The following MAPKAP1 variants were observed in gnomAD, a reference collection of about 807,000 sequenced individuals.
The protein encoded by MAPKAP1 is MAPK associated protein 1.
In MAPKAP1, 20 loss-of-function variants were observed where a neutral mutation model predicts 65.7. The ratio of observed to expected loss-of-function variants is 0.30; its 90% CI spans 0.21 to 0.44. The LOEUF (loss-of-function observed/expected upper bound fraction) is 0.44, where lower values mean the gene tolerates loss of function less well. Ranked by LOEUF, MAPKAP1 falls within the 20% of genes least tolerant of loss-of-function variation. MAPKAP1 has a pLI of 1.00. For synonymous variants in MAPKAP1, 222 were observed against 244.3 expected (o/e 0.91, Z 0.85); for missense variants, 423 against 648.0 (o/e 0.65, Z 3.77).
intron 8 of MAPKAP1, among the ~76,000 whole-genome samples, chr9:125,496,231 C>T (rs1333783614): frequency 1.3e-5 from 2 of 152,114 alleles, no homozygotes; most frequent in East Asian, 1.9e-4. Context: ...AGGTATGTGG[C>T]GAATAATGTT....
chr9:125,491,018 A>G (rs1854690869), intron 8 of MAPKAP1, among the ~76,000 whole-genome samples: 1 of 151,746 alleles, frequency 6.6e-6, no homozygotes, highest in Non-Finnish European at 1.5e-5. Context: ...CATGCCTGTA[A>G]TCTCAGCTAC....
At chr9:125,564,989 C>CA (rs929925556) in intron 5 of MAPKAP1, among the ~76,000 whole-genome samples, 1 of 152,000 alleles carries the variant, frequency 6.6e-6, no homozygotes, top group African/African-American at 2.4e-5. Context: ...TTCATGGGAC[C>CA]AGGAAGTCTC....
Position 125,579,830 on chromosome 9 carries a change from T to C in MAPKAP1, c.671+5725A>G, listed in dbSNP as rs540976818. ...TCCCAGGGATTCACTTTATAGACTG[T>C]ATTACACCAAACAAACCTGAGAAAT... is the stretch of plus-strand genomic sequence containing the variant. On this transcript the variant is annotated intron_variant, in intron 5 of 11. Coordinates refer to ENST00000265960, the MANE Select transcript of MAPKAP1 (RefSeq NM_001006617.3). Among the ~76,000 whole-genome samples the C allele has an allele frequency of 2.6e-5, 4 of 152,328 alleles. No individual in the cohort carries two copies. In the South Asian group the frequency reaches 6.2e-4, roughly 24 times the overall value.
intron 1 of MAPKAP1, among the ~76,000 whole-genome samples, chr9:125,696,900 A>C (rs1835403200): frequency 8.9e-6 from 1 of 112,960 alleles, no homozygotes; most frequent in Non-Finnish European, 1.8e-5. Flanking sequence ...ATACCAAAAA[A>C]TCACTTCCCA....
In MAPKAP1 at chr9:125,707,162, C is replaced by CGCCG. The variant is rs1835792110; in HGVS notation, c.-265_-262dup. Reference sequence around the variant, plus strand: ...CCCTCATGCCCCTGCTGCTCGCCGCCGCCGGCCGGCCGAGCAGCAGCCCTA... The same window carrying CGCCG: ...CCCTCATGCCCCTGCTGCTCGCCGCCGCCGGCCGGCCGGCCGAGCAGCAGCCCTA... On this transcript the variant is annotated 5_prime_UTR_variant, in exon 1 of 12. Coordinates refer to ENST00000265960, the MANE Select transcript of MAPKAP1 (RefSeq NM_001006617.3). 2.3e-5 allele frequency: 9 copies of CGCCG among 398,054 alleles called. No individual in the cohort carries two copies. Among genetic ancestry groups the CGCCG allele is most frequent in the Admixed American group, 4.4e-5 (1 of 22,710 alleles). The allele number at this position is 398,054 out of a possible 1,614,324, so 24.7% of individuals were successfully genotyped here. A position where few individuals can be genotyped will look rare whatever the true frequency, so the allele number is the denominator to read the frequency against.
intron 7 of MAPKAP1, among the ~76,000 whole-genome samples, chr9:125,541,515 C>T (rs1197216670): frequency 2.6e-5 from 4 of 152,060 alleles, no homozygotes; most frequent in Non-Finnish European, 5.9e-5. Context: ...AACCAGGATC[C>T]GAAAGGGTGA....
intron 6 of MAPKAP1, among the ~76,000 whole-genome samples, chr9:125,546,269 C>A (rs965129092): frequency 6.6e-6 from 1 of 152,204 alleles, no homozygotes; most frequent in African/African-American, 2.4e-5. Flanking sequence ...AGAGGTTCTG[C>A]CCTGAGTGCT....
At chr9:125,640,791 C>T (rs184363379) in intron 4 of MAPKAP1, among the ~76,000 whole-genome samples, 1 of 152,192 alleles carries the variant, frequency 6.6e-6, no homozygotes, top group Non-Finnish European at 1.5e-5. Flanking sequence ...GAGTTGAGTA[C>T]TCTTCTAGAA....
intron 9 of MAPKAP1, among the ~76,000 whole-genome samples, chr9:125,474,924 C>T (rs983854092): frequency 6.6e-6 from 1 of 152,168 alleles, no homozygotes; most frequent in African/African-American, 2.4e-5. Context: ...CCTGGAAAAG[C>T]CCCCAAGGGA....
At chr9:125,456,712 ACT>A (rs1441687788) in intron 10 of MAPKAP1, among the ~76,000 whole-genome samples, 1 of 152,112 alleles carries the variant, frequency 6.6e-6, no homozygotes, top group African/African-American at 2.4e-5. Context: ...AAGGAAGTAA[ACT>A]CTGCCAGCAA....
chr9:125,510,483 G>T (rs1829264375), intron 7 of MAPKAP1, among the ~76,000 whole-genome samples: 1 of 152,170 alleles, frequency 6.6e-6, no homozygotes, highest in Admixed American at 6.5e-5. Flanking sequence ...ACGAAGACAT[G>T]ACCAGACATG....
intron 9 of MAPKAP1, among the ~76,000 whole-genome samples, chr9:125,479,290 C>T (rs1312929083): frequency 6.6e-6 from 1 of 152,138 alleles, no homozygotes; most frequent in Non-Finnish European, 1.5e-5. Flanking sequence ...ATAGAAAAGT[C>T]TGGTGGAGGC....
intron 4 of MAPKAP1, among the ~76,000 whole-genome samples, chr9:125,618,122 G>A (rs574548681): frequency 5.3e-5 from 8 of 151,808 alleles, no homozygotes; most frequent in Non-Finnish European, 1.0e-4. Context: ...AGGGAGGATC[G>A]CCTGAGGTCA....
At chr9:125,551,069 G>A (rs368861344) in intron 6 of MAPKAP1, among the ~76,000 whole-genome samples, 9 of 152,132 alleles carry the variant, frequency 5.9e-5, no homozygotes, top group African/African-American at 2.2e-4. Flanking sequence ...ATGGGGTGTG[G>A]CCAATTTTAA....
At chr9:125,536,315 A>G (rs1273733527) in intron 7 of MAPKAP1, among the ~76,000 whole-genome samples, 3 of 152,242 alleles carry the variant, frequency 2.0e-5, no homozygotes, top group Non-Finnish European at 2.9e-5. Flanking sequence ...ATAAAGAGGC[A>G]GAGAAAGGAG....
Position 125,439,122 on chromosome 9 carries a change from C to T in MAPKAP1, c.1444-110G>A, listed in dbSNP as rs1263977651. On this transcript the variant is annotated intron_variant, in intron 11 of 11. Transcript: ENST00000265960. The surrounding 1 kb of genome is among the most constrained non-coding windows in gnomAD (Gnocchi z 4.0). Reference sequence around the variant, plus strand: ...CTGACCTGGGCCGGGTGCCTCAGGGCCAGGTGCTGTCGTGTGGAAGGAGTC... The same window carrying T: ...CTGACCTGGGCCGGGTGCCTCAGGGTCAGGTGCTGTCGTGTGGAAGGAGTC... 8 of 1,296,550 alleles carry T rather than the reference C, an allele frequency of 6.2e-6. No individual in the cohort carries two copies. The highest frequency in any genetic ancestry group is 8.5e-6 in the Non-Finnish European group (8 of 940,524). The allele number at this position is 1,296,550 out of a possible 1,614,324, so 80.3% of individuals were successfully genotyped here. A position where few individuals can be genotyped will look rare whatever the true frequency, so the allele number is the denominator to read the frequency against.
intron 1 of MAPKAP1, among the ~76,000 whole-genome samples, chr9:125,698,316 T>TATATATATATATAAA (rs1835485211): frequency 1.2e-5 from 1 of 86,640 alleles, no homozygotes; most frequent in South Asian, 3.1e-4. Flanking sequence ...TATATATATA[T>TATATATATATATAAA]ATATATATAT....
intron 1 of MAPKAP1, among the ~76,000 whole-genome samples, chr9:125,701,577 T>C (rs939753930): frequency 6.6e-6 from 1 of 152,218 alleles, no homozygotes; most frequent in African/African-American, 2.4e-5. Context: ...AACTGCTCTT[T>C]CCACTAAACT....
chr9:125,567,993 G>A (rs1041424984), intron 5 of MAPKAP1: 3 of 152,422 alleles, frequency 2.0e-5, no homozygotes, highest in Non-Finnish European at 2.9e-5. Context: ...GACAACTTTG[G>A]GTAAGTAATG....
Sources: gnomAD v4.1 joint callset for allele counts (sites outside exome capture counted in the v4.1 genomes callset) on GRCh38, gnomAD v4.1.1 for gene constraint, Gnocchi (gnomAD v3.1) non-coding constraint, MANE v1.5 for transcripts, NCBI Gene and HGNC (gene_info 2026-07-23, HGNC 2026-07-21) for gene names.